USP6: variants seen among roughly 807,000 people sequenced by gnomAD.
USP6 encodes the protein ubiquitin specific peptidase 6, also known as ubiquitin carboxyl-terminal hydrolase 6.
In USP6, 128 loss-of-function variants were observed where a neutral mutation model predicts 175.7. The observed-to-expected ratio is 0.73, with a 90% confidence interval of 0.63 to 0.84. The LOEUF is 0.84. Among genes scored for constraint, USP6 ranks in the 40% least tolerant of loss-of-function variants. The pLI is 0.00. For missense variants in USP6, 1,498 were observed against 1,760.3 expected, an observed-to-expected ratio of 0.85 and a Z score of 2.67; for synonymous variants, 562 against 630.6, an observed-to-expected ratio of 0.89 and a Z score of 1.63.
chr17:5,167,902 C>T (rs758499424), intron 33 of USP6, 30 bp from the exon 34 acceptor site: 11 of 1,591,784 alleles, frequency 6.9e-6, no homozygotes, highest in Non-Finnish European at 9.4e-6. Flanking sequence ...TTCCCACACA[C>T]CCCTTTCCTC....
chr17:5,152,946 A>G (rs1177607426), intron 30 of USP6, among the ~76,000 whole-genome samples: 1 of 152,224 alleles, frequency 6.6e-6, no homozygotes, highest in Non-Finnish European at 1.5e-5. Flanking sequence ...CAGCAAGCTG[A>G]GATCACACCA....
chr17:5,118,537 T>C (rs1303156885), intron 2 of USP6, among the ~76,000 whole-genome samples: 1 of 152,230 alleles, frequency 6.6e-6, no homozygotes, highest in Non-Finnish European at 1.5e-5. Flanking sequence ...AGGATGGGTA[T>C]GTGTTAACAG....
At chr17:5,117,931 C>T (rs978373081) in intron 1 of USP6, among the ~76,000 whole-genome samples, 2 of 151,828 alleles carry the variant, frequency 1.3e-5, no homozygotes, top group African/African-American at 4.8e-5. Flanking sequence ...TACTGGCATG[C>T]ACCTGTAATC....
chr17:5,130,473 C>A (rs7211125), intron 10 of USP6, 34 bp downstream of exon 10: 103,095 of 1,613,454 alleles, frequency 0.064, 3,676 homozygotes, highest in East Asian at 0.15. Context: ...AGGGAGGCCT[C>A]TTCCAGTGCG....
In USP6 at chr17:5,169,037, A is replaced by G. The variant is rs1009790215; in HGVS notation, c.3499A>G (p.Ile1167Val). 4.4e-6 allele frequency: 7 copies of G among 1,605,674 alleles called. No individual in the cohort carries two copies. In the Admixed American group the frequency reaches 1.0e-4, roughly 23 times the overall value. ...SKSPSSLSANISSSPKGSPSS... is the reference protein window; with the variant it reads ...SKSPSSLSANVSSSPKGSPSS... ...AAGCCCATCCTCACTCAGCGCTAAC[A>G]TCAGCAGCAGCCCAAAAGGTGAGGC... Residue 1167 changes from isoleucine to valine, a missense_variant, in exon 35 of 38, where the codon ATC becomes GTC. This residue lies in a region of USP6 where 1,217 missense variants were observed against 1,500.8 expected (regional missense o/e 0.81). Coordinates refer to ENST00000574788, the MANE Select transcript of USP6 (RefSeq NM_001304284.2).
chr17:5,139,390 C>G lies in USP6; in HGVS notation c.1214C>G (p.Pro405Arg). The G allele has an allele frequency of 6.2e-7, 1 of 1,613,446 alleles. No individual in the cohort carries two copies. Among genetic ancestry groups the G allele is most frequent in the Non-Finnish European group, 8.5e-7 (1 of 1,180,028 alleles). ...QFQRPICSAS[P>R]PWASRFSTPC... ...CAGCGGCCCATTTGCTCAGCTTCCC[C>G]GCCATGGGCATCTCGTTTTTCCACG... Residue 405 changes from proline to arginine, a missense_variant, in exon 22 of 38, where the codon CCG becomes CGG. Pro to Arg is a moderately radical substitution (Grantham distance 103, BLOSUM62 -2). Coordinates refer to ENST00000574788, the MANE Select transcript of USP6 (RefSeq NM_001304284.2).
intron 32 of USP6, 87 bp downstream of exon 32, chr17:5,161,701 T>C (rs764057648): frequency 7.0e-7 from 1 of 1,422,554 alleles, no homozygotes; most frequent in Non-Finnish European, 9.8e-7. Context: ...TTTTGAGAAG[T>C]AAATAGTGAA....
chr17:5,131,967 A>C (rs968906207), intron 11 of USP6, among the ~76,000 whole-genome samples: 1 of 152,098 alleles, frequency 6.6e-6, no homozygotes, highest in African/African-American at 2.4e-5. Flanking sequence ...TATACCGGGA[A>C]GGTCTCAGGG....
chr17:5,119,516 G>C (rs2072604871), intron 2 of USP6, among the ~76,000 whole-genome samples: 1 of 152,174 alleles, frequency 6.6e-6, no homozygotes, highest in Admixed American at 6.5e-5. Flanking sequence ...CTGGGGCCCA[G>C]AAACCCCCTG....
chr17:5,168,431 G>A (rs1005290123), intron 34 of USP6, among the ~76,000 whole-genome samples: 1 of 152,244 alleles, frequency 6.6e-6, no homozygotes, highest in African/African-American at 2.4e-5. Flanking sequence ...CTTCAGGAGA[G>A]GGTGAACTTC....
At chr17:5,151,399 A>G (rs1303972083) in intron 30 of USP6, among the ~76,000 whole-genome samples, 2 of 151,736 alleles carry the variant, frequency 1.3e-5, no homozygotes, top group Non-Finnish European at 2.9e-5. Flanking sequence ...AGATGACTTA[A>G]TGCACAATCC....
rs777943254 is a variant in USP6 at position 5,130,644 on chromosome 17, G to A, written c.115G>A (p.Val39Ile). 9.7e-5 allele frequency: 156 copies of A among 1,613,810 alleles called. No individual in the cohort carries two copies. The highest frequency in any genetic ancestry group is 1.6e-4 in the Middle Eastern group (1 of 6,078). The stretch of plus-strand genomic sequence containing the variant: ...GCCAGAGGACAAGGGGCCTGAGCCC[G>A]TTGGAATCAACAGCAGCATTGATCG... Reference protein sequence around the residue: ...GLPEDKGPEPVGINSSIDRFG... With the variant: ...GLPEDKGPEPIGINSSIDRFG... The change falls in exon 11 of 38, where the codon GTT (valine) becomes ATT (isoleucine). Residue 39 changes from valine to isoleucine, a missense_variant. Transcript: ENST00000574788.
In USP6 at chr17:5,161,582, T is replaced by C. The variant is rs909532006; in HGVS notation, c.2883T>C (p.Asp961=). ...YPFTLRVVQK[D]GNSCAWCPQY... Reference sequence around the variant, plus strand: ...TCACTCTACGAGTTGTGCAGAAAGATGGGAACTCCTGTGCTTGGTGCCCAC... The same window carrying C: ...TCACTCTACGAGTTGTGCAGAAAGACGGGAACTCCTGTGCTTGGTGCCCAC... The change falls in exon 32 of 38, where the codon GAT becomes GAC. Residue 961 remains aspartate, a synonymous_variant. Transcript: ENST00000574788. The C allele has an allele frequency of 3.1e-6, 5 of 1,613,938 alleles. No individual in the cohort carries two copies. The African/African-American group carries it at 5.3e-5, about 17-fold the overall frequency.
At chr17:5,119,439 T>C (rs1035758707) in intron 2 of USP6, among the ~76,000 whole-genome samples, 9 of 152,240 alleles carry the variant, frequency 5.9e-5, no homozygotes, top group Non-Finnish European at 1.2e-4. Context: ...TTTGTCCTTC[T>C]TCAGCCCCCA....
At chr17:5,119,860 A>G (rs1236238471) in intron 2 of USP6, among the ~76,000 whole-genome samples, 2 of 152,270 alleles carry the variant, frequency 1.3e-5, no homozygotes, top group East Asian at 3.9e-4. Flanking sequence ...ACTGAAGCTC[A>G]GAGAGGTTAA....
At position 5,147,205 on chromosome 17, in the gene USP6, A is replaced by G. The variant is rs2073637921; in HGVS notation, c.2431+11A>G. On this transcript the variant is annotated intron_variant, in intron 29 of 37. Transcript: ENST00000574788. Reference sequence around the variant, plus strand: ...GTCCAACACAAATAGGTAAGATAGAACTAGAACTCCTTCTCATGACTGCAC... The same window carrying G: ...GTCCAACACAAATAGGTAAGATAGAGCTAGAACTCCTTCTCATGACTGCAC... 2 of 1,601,056 alleles carry G rather than the reference A, an allele frequency of 1.2e-6. No individual in the cohort carries two copies. The highest frequency in any genetic ancestry group is 1.7e-6 in the Non-Finnish European group (2 of 1,170,286).
intron 25 of USP6, 152 bp downstream of exon 25, chr17:5,142,654 G>A: frequency 8.3e-6 from 11 of 1,317,728 alleles, no homozygotes; most frequent in Non-Finnish European, 1.1e-5. Context: ...TCTTTTGCTT[G>A]TTTAAATATT....
At chr17:5,169,554 A>G (rs1324063877) in intron 35 of USP6, among the ~76,000 whole-genome samples, 3 of 152,090 alleles carry the variant, frequency 2.0e-5, no homozygotes, top group South Asian at 2.1e-4. Flanking sequence ...CAATCCTCCC[A>G]CCTCAGCTTC....
At chr17:5,147,548 T>C (rs1419289553) in intron 29 of USP6, among the ~76,000 whole-genome samples, 1 of 152,248 alleles carries the variant, frequency 6.6e-6, no homozygotes, top group African/African-American at 2.4e-5. Context: ...TGTAATTTAA[T>C]GTGATCACTC....
Sources: allele counts gnomAD v4.1 joint callset (sites outside exome capture counted in the v4.1 genomes callset), GRCh38; gene constraint gnomAD v4.1.1; regional missense constraint gnomAD v4.1.1; transcripts MANE v1.5; gene names NCBI Gene and HGNC (gene_info 2026-07-23, HGNC 2026-07-21).